Variants in RAD51B observed in about 807,000 individuals in gnomAD.
RAD51B encodes the protein RAD51 paralog B, also known as DNA repair protein RAD51 homolog 2.
In RAD51B, 38 loss-of-function variants were observed where a neutral mutation model predicts 42.2. The ratio of observed to expected loss-of-function variants is 0.90; its 90% CI spans 0.70 to 1.18. The LOEUF (loss-of-function observed/expected upper bound fraction) is 1.18. Ranked by LOEUF, RAD51B falls within the 50% of genes most tolerant of loss-of-function variation. RAD51B has a pLI of 0.00. For missense variants in RAD51B, 373 were observed against 400.7 expected (o/e 0.93, Z 0.59); for synonymous variants, 154 against 145.2 (o/e 1.06, Z -0.43).
chr14:68,147,192 C>A (rs571109674), intron 7 of RAD51B, among the ~76,000 whole-genome samples: 4 of 152,138 alleles, frequency 2.6e-5, no homozygotes, highest in Non-Finnish European at 5.9e-5. Context: ...GATCTATAAA[C>A]CTACGAGAAA....
At position 68,353,708 on chromosome 14, in the gene RAD51B, G is replaced by A. The variant is rs1030880315; in HGVS notation, c.854-57716G>A. 2.0e-5 allele frequency among the ~76,000 whole-genome samples: 3 copies of A among 152,334 alleles called. No individual in the cohort carries two copies. The South Asian group carries it at 6.2e-4, about 32-fold the overall frequency. ...GCACAGAGCCGGGCGTTGGGGTTGG[G>A]GCCTGAGCCATTGTTGTCTGGCTGT... On this transcript the variant is annotated intron_variant, in intron 8 of 10. Coordinates refer to ENST00000471583, the MANE Select transcript of RAD51B (RefSeq NM_133510.4).
At chr14:68,641,351 A>G (rs1037785345) in intron 10 of RAD51B, among the ~76,000 whole-genome samples, 2 of 152,212 alleles carry the variant, frequency 1.3e-5, no homozygotes, top group Non-Finnish European at 2.9e-5. Flanking sequence ...CAGGAGCTTA[A>G]GAAGTTAATC....
intron 7 of RAD51B, among the ~76,000 whole-genome samples, chr14:68,001,782 G>A (rs2075489004): frequency 1.3e-5 from 2 of 152,140 alleles, no homozygotes; most frequent in African/African-American, 4.8e-5. Flanking sequence ...CTACTTACAA[G>A]CGAGAACATG....
At chr14:68,090,644 A>G (rs1237914494) in intron 7 of RAD51B, among the ~76,000 whole-genome samples, 1 of 151,640 alleles carries the variant, frequency 6.6e-6, no homozygotes, top group Non-Finnish European at 1.5e-5. Context: ...TCTTTATTTT[A>G]AAAAATGTTC....
chr14:68,612,784 AT>A (rs141554608), downstream of RAD51B, among the ~76,000 whole-genome samples: 879 of 151,622 alleles, frequency 5.8e-3, 4 homozygotes, highest in African/African-American at 0.02. Context: ...TATGTTACGT[AT>A]ATTTGACCAT....
chr14:68,480,328 C>T (rs187241832), downstream of RAD51B, among the ~76,000 whole-genome samples: 1 of 152,294 alleles, frequency 6.6e-6, no homozygotes, highest in East Asian at 1.9e-4. Flanking sequence ...CTGCCCTCGT[C>T]GGCCTCCCAA....
intron 10 of RAD51B, among the ~76,000 whole-genome samples, chr14:68,506,151 T>G (rs901554622): frequency 6.6e-6 from 1 of 151,908 alleles, no homozygotes; most frequent in Middle Eastern, 3.2e-3. Context: ...TAATAAGAGG[T>G]GACAAAGCAG....
chr14:68,151,369 G>T (rs999252513), intron 7 of RAD51B, among the ~76,000 whole-genome samples: 1 of 151,830 alleles, frequency 6.6e-6, no homozygotes, highest in South Asian at 2.1e-4. Context: ...GAAATTGATT[G>T]TGATGTGCCT....
intron 9 of RAD51B, among the ~76,000 whole-genome samples, chr14:68,414,164 C>T (rs12435236): frequency 0.43 from 65,025 of 151,890 alleles, 14,302 homozygotes; most frequent in South Asian, 0.55. Context: ...AGGAGTCCTC[C>T]CTGGCTGATT....
chr14:68,340,169 A>C lies in RAD51B; in HGVS notation c.853+48189A>C, dbSNP rs146417223. Among the ~76,000 whole-genome samples the C allele has an allele frequency of 2.0e-5, 3 of 152,374 alleles. No individual in the cohort carries two copies. In the East Asian group the frequency reaches 5.8e-4, roughly 29 times the overall value. On this transcript the variant is annotated intron_variant, in intron 8 of 10. Coordinates refer to ENST00000471583, the MANE Select transcript of RAD51B (RefSeq NM_133510.4). The stretch of plus-strand genomic sequence containing the variant: ...TACAATGAGTTACCAAGGAAAGTAA[A>C]TACATCTTTCCTTCTTCCTTTTTTT...
intron 7 of RAD51B, among the ~76,000 whole-genome samples, chr14:68,185,670 G>C (rs781572837): frequency 7.2e-5 from 11 of 152,112 alleles, no homozygotes; most frequent in South Asian, 2.1e-4. Context: ...TCCGTGGATG[G>C]GGGCGGGGGT....
Position 68,072,046 on chromosome 14 carries a change from T to C in RAD51B, c.756+184842T>C, listed in dbSNP as rs939946528. Among the ~76,000 whole-genome samples the C allele has an allele frequency of 3.2e-3, 385 of 121,440 alleles. 20 individuals carry two copies. The highest frequency in any genetic ancestry group is 0.015 in the African/African-American group (368 of 24,800). 79.7% of individuals were successfully genotyped at this position (121,440 alleles called of 152,430 possible). ...CTAGGTTTTCTAGATTTTATATATA[T>C]ATATAATTATATATATTTATATAAA... On this transcript the variant is annotated intron_variant, in intron 7 of 10. Coordinates refer to ENST00000471583, the MANE Select transcript of RAD51B (RefSeq NM_133510.4).
At chr14:68,482,176 G>GGTGTGTGTGTGTGT (rs66768673), downstream of RAD51B, among the ~76,000 whole-genome samples, 5,193 of 149,870 alleles carry the variant, frequency 0.035, 115 homozygotes, top group Middle Eastern at 0.056. Context: ...ATATTTTAGG[G>GGTGTGTGTGTGTGT]GTGTGTGTGT....
intron 8 of RAD51B, among the ~76,000 whole-genome samples, chr14:68,314,404 A>G (rs2082018085): frequency 1.3e-5 from 2 of 152,056 alleles, no homozygotes; most frequent in South Asian, 4.1e-4. Context: ...TTCCATTTAG[A>G]CCTCAGTAGT....
At chr14:68,094,506 A>T (rs1371667475) in intron 7 of RAD51B, among the ~76,000 whole-genome samples, 1 of 152,366 alleles carries the variant, frequency 6.6e-6, no homozygotes, top group African/African-American at 2.4e-5. Flanking sequence ...ACACACACAC[A>T]TATATGTAAA....
chr14:68,074,234 T>TTTTTTTTTTA (rs2076798449), intron 7 of RAD51B, among the ~76,000 whole-genome samples: 1 of 152,202 alleles, frequency 6.6e-6, no homozygotes, highest in African/African-American at 2.4e-5. Context: ...TTTAAAATTC[T>TTTTTTTTTTA]TTTTTCTTTA....
chr14:68,190,516 A>G (rs1401526034), intron 7 of RAD51B, among the ~76,000 whole-genome samples: 6 of 152,290 alleles, frequency 3.9e-5, no homozygotes, highest in South Asian at 4.1e-4. Flanking sequence ...AAATGACCCT[A>G]TCCCTTCTCA....
downstream of RAD51B, among the ~76,000 whole-genome samples, chr14:68,615,949 AT>A (rs1454970589): frequency 6.6e-6 from 1 of 152,080 alleles, no homozygotes; most frequent in Non-Finnish European, 1.5e-5. Flanking sequence ...TCATCTTACT[AT>A]TTGTTTTCTA....
Position 68,435,028 on chromosome 14 carries a change from A to C in RAD51B, c.957+23501A>C, listed in dbSNP as rs532451441. Among the ~76,000 whole-genome samples the C allele has an allele frequency of 2.4e-4, 36 of 152,228 alleles. 1 individual carries two copies. Among genetic ancestry groups the C allele is most frequent in the African/African-American group, 8.2e-4 (34 of 41,536 alleles). On this transcript the variant is annotated intron_variant, in intron 9 of 10. Transcript: ENST00000471583. ...ATAAGTTTACAAGTTTTAAAATATAATTTCAACTTTTATTTTAGATTCAGG... is the reference window on the plus strand; with the variant it reads ...ATAAGTTTACAAGTTTTAAAATATACTTTCAACTTTTATTTTAGATTCAGG...
Sources: gnomAD v4.1 joint callset for allele counts (sites outside exome capture counted in the v4.1 genomes callset) on GRCh38, gnomAD v4.1.1 for gene constraint, MANE v1.5 for transcripts, NCBI Gene and HGNC (gene_info 2026-07-23, HGNC 2026-07-21) for gene names.